Variants in SCFD2 observed in about 807,000 individuals in gnomAD.
SCFD2 encodes sec1 family domain containing 2, also known as sec1 family domain-containing protein 2.
In SCFD2, 54 loss-of-function variants were observed where a neutral mutation model predicts 58.9. The observed-to-expected ratio is 0.92, with a 90% CI of 0.74 to 1.15. The LOEUF is 1.15. Ranked by LOEUF, SCFD2 falls within the 50% of genes most tolerant of loss-of-function variation. The probability of loss-of-function intolerance (pLI) is 0.00; values close to 1 mark genes in which losing one functional copy is unlikely to be tolerated. For missense variants in SCFD2, 805 were observed against 836.6 expected (o/e 0.96, Z 0.47); for synonymous variants, 321 against 335.9 (o/e 0.96, Z 0.49).
intron 4 of SCFD2, among the ~76,000 whole-genome samples, chr4:53,253,265 A>G (rs964119184): frequency 1.3e-5 from 2 of 152,210 alleles, no homozygotes; most frequent in African/African-American, 4.8e-5. Context: ...ATGTGGAGAA[A>G]TAGGAACACT....
At chr4:53,140,155 T>C (rs1291896630) in intron 5 of SCFD2, among the ~76,000 whole-genome samples, 1 of 151,074 alleles carries the variant, frequency 6.6e-6, no homozygotes, top group Non-Finnish European at 1.5e-5. Context: ...TATTGTCCTA[T>C]GACCCTGCCA....
At chr4:53,300,135 T>C (rs976152428) in intron 3 of SCFD2, among the ~76,000 whole-genome samples, 2 of 152,120 alleles carry the variant, frequency 1.3e-5, no homozygotes, top group Non-Finnish European at 2.9e-5. Flanking sequence ...AATGCTCCAA[T>C]TAAAAGACAC....
intron 5 of SCFD2, among the ~76,000 whole-genome samples, chr4:53,023,121 C>A (rs1480280681): frequency 6.6e-6 from 1 of 152,128 alleles, no homozygotes; most frequent in African/African-American, 2.4e-5. Context: ...AATACTTAGA[C>A]TCATGGGTAC....
intron 4 of SCFD2, among the ~76,000 whole-genome samples, chr4:53,213,887 T>C (rs749658735): frequency 2.0e-5 from 3 of 152,072 alleles, no homozygotes; most frequent in Non-Finnish European, 4.4e-5. Flanking sequence ...TTCCCACCTA[T>C]GAGTGAGAAC....
intron 5 of SCFD2, among the ~76,000 whole-genome samples, chr4:53,130,235 A>G (rs1725748389): frequency 6.6e-6 from 1 of 152,204 alleles, no homozygotes; most frequent in Non-Finnish European, 1.5e-5. Flanking sequence ...TGTTTTTAAG[A>G]CACTGTTTTT....
chr4:53,136,565 C>T (rs10022830), intron 5 of SCFD2, among the ~76,000 whole-genome samples: 3,076 of 152,288 alleles, frequency 0.02, 115 homozygotes, highest in African/African-American at 0.07. Flanking sequence ...AGACACAATA[C>T]CATATTGTCT....
chr4:53,316,773 T>C (rs1323591685), intron 2 of SCFD2, among the ~76,000 whole-genome samples: 1 of 152,190 alleles, frequency 6.6e-6, no homozygotes, highest in African/African-American at 2.4e-5. Flanking sequence ...CTAACAGTGA[T>C]ACATACTCAG....
intron 4 of SCFD2, among the ~76,000 whole-genome samples, chr4:53,244,653 A>C (rs1022350782): frequency 4.6e-5 from 7 of 152,288 alleles, no homozygotes; most frequent in Middle Eastern, 3.4e-3. Flanking sequence ...TGTCCACATC[A>C]AATTAACAAC....
intron 4 of SCFD2, among the ~76,000 whole-genome samples, chr4:53,255,793 G>T (rs532674633): frequency 6.7e-6 from 1 of 150,110 alleles, no homozygotes; most frequent in Non-Finnish European, 1.5e-5. Flanking sequence ...GGGCGGCCGG[G>T]CAGAGGCGCC....
chr4:53,061,977 G>C (rs1216697950), intron 5 of SCFD2, among the ~76,000 whole-genome samples: 4 of 152,090 alleles, frequency 2.6e-5, no homozygotes, highest in Non-Finnish European at 4.4e-5. Flanking sequence ...ATCCAGATGT[G>C]ATGGCAGCCT....
chr4:53,238,139 G>C (rs1484799266), intron 4 of SCFD2, among the ~76,000 whole-genome samples: 1 of 120,130 alleles, frequency 8.3e-6, no homozygotes. Context: ...GGGCAGAGGT[G>C]CCCCTCACCT....
At chr4:52,959,504 T>C (rs1720794167) in intron 5 of SCFD2, among the ~76,000 whole-genome samples, 2 of 152,162 alleles carry the variant, frequency 1.3e-5, no homozygotes, top group Non-Finnish European at 2.9e-5. Context: ...ATCTGGGCTG[T>C]ATTATTAAAT....
At chr4:53,247,623 G>A (rs1051148798) in intron 4 of SCFD2, among the ~76,000 whole-genome samples, 5 of 152,046 alleles carry the variant, frequency 3.3e-5, no homozygotes, top group Non-Finnish European at 5.9e-5. Flanking sequence ...ACTTTGGGAG[G>A]CCGAGGCGGG....
At chr4:53,154,340 G>A (rs1263807696) in intron 4 of SCFD2, among the ~76,000 whole-genome samples, 1 of 152,164 alleles carries the variant, frequency 6.6e-6, no homozygotes, top group Non-Finnish European at 1.5e-5. Context: ...AGAGTGAGCT[G>A]GCATATCACA....
At chr4:53,283,873 C>T (rs1731579868) in intron 3 of SCFD2, among the ~76,000 whole-genome samples, 1 of 151,922 alleles carries the variant, frequency 6.6e-6, no homozygotes, top group Admixed American at 6.6e-5. Flanking sequence ...ATCCCAGCAC[C>T]TTGGGAGGCC....
At chr4:53,357,580 T>C (rs1270421109) in intron 1 of SCFD2, among the ~76,000 whole-genome samples, 1 of 152,182 alleles carries the variant, frequency 6.6e-6, no homozygotes, top group African/African-American at 2.4e-5. Context: ...TGTGAGGTTA[T>C]CCTGGCATGG....
Position 53,221,900 on chromosome 4 carries a change from G to A in SCFD2, c.1311+51926C>T, listed in dbSNP as rs769721608. Among the ~76,000 whole-genome samples, 105 of 152,288 alleles carry A rather than the reference G, an allele frequency of 6.9e-4. 1 individual carries two copies. Among genetic ancestry groups the A allele is most frequent in the Middle Eastern group, 3.4e-3 (1 of 294 alleles). ...TGGGAGGCTACAAGAAGAGGCAACA[G>A]AGGAACCACAACAACAAAATACTAC... On this transcript the variant is annotated intron_variant, in intron 4 of 8. Transcript: ENST00000401642.
chr4:52,931,349 G>T (rs1719989474), intron 5 of SCFD2, among the ~76,000 whole-genome samples: 1 of 152,176 alleles, frequency 6.6e-6, no homozygotes, highest in African/African-American at 2.4e-5. Context: ...AGCCTGGGGA[G>T]CTATGCTGCA....
At chr4:53,267,320 A>G (rs1731018881) in intron 4 of SCFD2, among the ~76,000 whole-genome samples, 1 of 152,188 alleles carries the variant, frequency 6.6e-6, no homozygotes, top group South Asian at 2.1e-4. Flanking sequence ...CTTTCAAACC[A>G]AAGCCTGTAA....
Sources: allele counts gnomAD v4.1 joint callset (sites outside exome capture counted in the v4.1 genomes callset), GRCh38; gene constraint gnomAD v4.1.1; transcripts MANE v1.5; gene names NCBI Gene and HGNC (gene_info 2026-07-23, HGNC 2026-07-21).